FER1L6: variants seen among roughly 807,000 people sequenced by gnomAD.
FER1L6 encodes fer-1 like family member 6.
FER1L6 carries 177 observed loss-of-function variants against 219.2 expected under a neutral mutation model. The ratio of observed to expected loss-of-function variants is 0.81; its 90% CI spans 0.71 to 0.91. The LOEUF (loss-of-function observed/expected upper bound fraction) is 0.91, where lower values mean the gene tolerates loss of function less well. Among genes scored for constraint, FER1L6 ranks in the 40% least tolerant of loss-of-function variants. FER1L6 has a pLI of 0.00. For missense variants in FER1L6, 2,153 were observed against 2,259.9 expected, an observed-to-expected ratio of 0.95 and a Z score of 0.96; for synonymous variants, 768 against 824.3, an observed-to-expected ratio of 0.93 and a Z score of 1.17.
intron 1 of FER1L6, among the ~76,000 whole-genome samples, chr8:123,953,864 C>T (rs186178893): frequency 6.6e-6 from 1 of 152,242 alleles, no homozygotes; most frequent in East Asian, 1.9e-4. Context: ...AGCTTTAGGT[C>T]CCTGGCTTGG....
intron 1 of FER1L6, among the ~76,000 whole-genome samples, chr8:123,922,467 C>G (rs913750234): frequency 1.4e-4 from 22 of 152,310 alleles, no homozygotes; most frequent in Middle Eastern, 3.4e-3. Context: ...CAGAAGCAGG[C>G]TTAGGCTCTC....
chr8:124,117,717 A>G (rs565304058), intron 39 of FER1L6, among the ~76,000 whole-genome samples: 20 of 152,268 alleles, frequency 1.3e-4, no homozygotes, highest in Admixed American at 6.5e-4. Flanking sequence ...TGTATTCTAT[A>G]TATTTCTTAT....
intron 1 of FER1L6, among the ~76,000 whole-genome samples, chr8:123,871,497 G>A (rs527655441): frequency 8.5e-5 from 13 of 152,114 alleles, no homozygotes; most frequent in Non-Finnish European, 1.6e-4. Context: ...TTGAGAGTTT[G>A]TAAATGGGAT....
intron 1 of FER1L6, among the ~76,000 whole-genome samples, chr8:123,922,930 C>G (rs1038550614): frequency 2.6e-5 from 4 of 151,820 alleles, no homozygotes; most frequent in African/African-American, 9.7e-5. Flanking sequence ...ATCTCATTGC[C>G]TGGCCCTGGC....
intron 12 of FER1L6, among the ~76,000 whole-genome samples, chr8:123,999,264 C>G (rs1419550069): frequency 1.3e-5 from 2 of 152,226 alleles, no homozygotes; most frequent in Non-Finnish European, 2.9e-5. Context: ...CCCAAAGGCT[C>G]TTTAGTCTGC....
intron 28 of FER1L6, among the ~76,000 whole-genome samples, chr8:124,069,023 G>A (rs1436054075): frequency 1.3e-5 from 2 of 148,864 alleles, no homozygotes; most frequent in East Asian, 2.0e-4. Context: ...TCCAAGCTCC[G>A]CCTCCCAGGT....
intron 32 of FER1L6, among the ~76,000 whole-genome samples, chr8:124,077,298 C>T (rs1353343746): frequency 6.6e-6 from 1 of 152,176 alleles, no homozygotes; most frequent in Admixed American, 6.5e-5. Flanking sequence ...TCCCTTGCTC[C>T]CCACCTTAGT....
chr8:124,056,580 GATTTA>G (rs1301953387), intron 22 of FER1L6, among the ~76,000 whole-genome samples: 1 of 152,210 alleles, frequency 6.6e-6, no homozygotes, highest in East Asian at 1.9e-4. Context: ...TGAGTTAGAT[GATTTA>G]ATTAGCTTCA....
intron 37 of FER1L6, among the ~76,000 whole-genome samples, chr8:124,098,160 A>T (rs1822391850): frequency 6.6e-6 from 1 of 152,250 alleles, no homozygotes; most frequent in South Asian, 2.1e-4. Context: ...CATTTGTCAG[A>T]TATCTACCTT....
chr8:123,961,162 G>C (rs1392917619), intron 2 of FER1L6, among the ~76,000 whole-genome samples: 1 of 152,134 alleles, frequency 6.6e-6, no homozygotes, highest in Non-Finnish European at 1.5e-5. Context: ...TCAGGAGGCT[G>C]AGGTGGGAGG....
chr8:123,889,756 A>T (rs1323408339), intron 1 of FER1L6, among the ~76,000 whole-genome samples: 1 of 152,086 alleles, frequency 6.6e-6, no homozygotes, highest in Non-Finnish European at 1.5e-5. Flanking sequence ...GAAGAAAGGA[A>T]CCAGGAAGCA....
intron 1 of FER1L6, among the ~76,000 whole-genome samples, chr8:123,868,910 C>G (rs185736063): frequency 8.2e-4 from 125 of 152,040 alleles, no homozygotes; most frequent in African/African-American, 2.9e-3. Context: ...CAGAGAGATT[C>G]ACAAATGATT....
intron 39 of FER1L6, among the ~76,000 whole-genome samples, chr8:124,105,304 G>A (rs1261054693): frequency 6.6e-6 from 1 of 152,194 alleles, no homozygotes; most frequent in Non-Finnish European, 1.5e-5. Flanking sequence ...GGCGTGTGAT[G>A]CATGAGGGCA....
chr8:124,043,747 C>T (rs1047249085), intron 20 of FER1L6, among the ~76,000 whole-genome samples: 1 of 152,198 alleles, frequency 6.6e-6, no homozygotes, highest in African/African-American at 2.4e-5. Flanking sequence ...CTGTTGTCTT[C>T]TCATTTTTAT....
Position 124,119,599 on chromosome 8 carries a change from C to T in FER1L6, c.5391-8C>T. 1 of 1,600,484 alleles carries T rather than the reference C, an allele frequency of 6.2e-7. No homozygotes were observed. The highest frequency in any genetic ancestry group is 8.6e-7 in the Non-Finnish European group (1 of 1,168,532). ...CCCCTTTTTGATTTTCTCTTCCTTC[C>T]CCCTCAGCCGCCCAGACACCTCCTT... On this transcript the variant is annotated splice_polypyrimidine_tract_variant and splice_region_variant and intron_variant, in intron 40 of 40. Coordinates refer to ENST00000522917, the MANE Select transcript of FER1L6 (RefSeq NM_001039112.2).
intron 21 of FER1L6, 106 bp downstream of exon 21, chr8:124,046,007 G>A (rs1819715045): frequency 7.3e-7 from 1 of 1,362,004 alleles, no homozygotes; most frequent in Non-Finnish European, 1.0e-6. Flanking sequence ...TGTGAGTGGT[G>A]AGAACACTAG....
At chr8:123,962,309 G>GTC (rs1815324385) in intron 2 of FER1L6, among the ~76,000 whole-genome samples, 1 of 152,132 alleles carries the variant, frequency 6.6e-6, no homozygotes. Context: ...GTCAGTGGTG[G>GTC]GCAAGCAGTA....
chr8:123,919,300 T>C (rs574903656), intron 1 of FER1L6, among the ~76,000 whole-genome samples: 5 of 152,232 alleles, frequency 3.3e-5, no homozygotes, highest in Admixed American at 2.0e-4. Flanking sequence ...TTAGGTTTGC[T>C]TATTTCCTTA....
intron 21 of FER1L6, among the ~76,000 whole-genome samples, chr8:124,048,514 C>T (rs532369264): frequency 2.6e-5 from 4 of 152,074 alleles, no homozygotes; most frequent in Non-Finnish European, 4.4e-5. Flanking sequence ...GCCATCGCAT[C>T]GCATACTTCT....
Sources: gnomAD v4.1 joint callset for allele counts (sites outside exome capture counted in the v4.1 genomes callset) on GRCh38, gnomAD v4.1.1 for gene constraint, MANE v1.5 for transcripts, NCBI Gene and HGNC (gene_info 2026-07-23, HGNC 2026-07-21) for gene names.